The following TGM6 variants were observed in gnomAD, a reference collection of about 807,000 sequenced individuals.
The protein encoded by TGM6 is protein-glutamine gamma-glutamyltransferase 6.
Under a neutral mutation model 77.5 loss-of-function variants are expected in TGM6, and 74 were observed. The observed-to-expected ratio is 0.96, with a 90% CI of 0.79 to 1.16. The LOEUF (loss-of-function observed/expected upper bound fraction) is 1.16. Among genes scored for constraint, TGM6 ranks in the 50% most tolerant of loss-of-function variants. The pLI, the probability that TGM6 is intolerant of heterozygous loss-of-function variation, is 0.00. For missense variants in TGM6, 968 were observed against 940.2 expected (o/e 1.03, Z -0.39); for synonymous variants, 383 against 378.9 (o/e 1.01, Z -0.12).
Position 2,417,422 on chromosome 20 carries a change from C to T in TGM6, c.1527C>T (p.His509=), listed in dbSNP as rs748042241. The T allele has an allele frequency of 6.8e-6, 11 of 1,612,938 alleles. No individual in the cohort carries two copies. Among genetic ancestry groups the T allele is most frequent in the African/African-American group, 2.7e-5 (2 of 74,938 alleles). The change falls in exon 10 of 13, where the codon CAC becomes CAT. Residue 509 remains histidine (H), a synonymous_variant. Transcript: ENST00000202625. ...FKVLEPPMLG[H]DLRLALCLAN... The stretch of plus-strand genomic sequence containing the variant: ...TGCTAGAGCCTCCCATGCTGGGCCA[C>T]GACCTGAGACTGGCCCTGTGCTTGG...
At chr20:2,399,928 AG>A (rs2084694867) in intron 6 of TGM6, among the ~76,000 whole-genome samples, 190 bp downstream of exon 6, 1 of 152,194 alleles carries the variant, frequency 6.6e-6, no homozygotes, top group South Asian at 2.1e-4. Flanking sequence ...TTTATCTTGA[AG>A]GAGTCCTAGC....
rs1399796822 is a variant in TGM6, at chr20:2,403,798, C to T, written c.1311C>T (p.Ile437=). The T allele has an allele frequency of 7.4e-6, 12 of 1,614,180 alleles. No homozygotes were observed. Among genetic ancestry groups the T allele is most frequent in the South Asian group, 1.1e-5 (1 of 91,088 alleles). Residue 437 remains isoleucine (I), a synonymous_variant, in exon 9 of 13, where the codon ATC becomes ATT. Transcript: ENST00000202625. Reference sequence around the variant, plus strand: ...TGGGCAGTGACTCCCGCGTGGACATCACTGACCTCTACAAGTATCCGGAAG... The same window carrying T: ...TGGGCAGTGACTCCCGCGTGGACATTACTGACCTCTACAAGTATCCGGAAG... ...KAVGSDSRVD[I]TDLYKYPEGS...
chr20:2,417,726 G>T (rs948412427), intron 10 of TGM6, among the ~76,000 whole-genome samples, 153 bp downstream of exon 10: 1 of 152,132 alleles, frequency 6.6e-6, no homozygotes, highest in Non-Finnish European at 1.5e-5. Flanking sequence ...CTCTTGTCCC[G>T]ACTTTACAGA....
intron 10 of TGM6, among the ~76,000 whole-genome samples, chr20:2,429,632 G>T (rs2084910505): frequency 6.6e-6 from 1 of 152,166 alleles, no homozygotes; most frequent in Non-Finnish European, 1.5e-5. Flanking sequence ...AGCTGGGCAT[G>T]GTGGCATGTG....
At chr20:2,418,668 A>G (rs1209541065) in intron 10 of TGM6, among the ~76,000 whole-genome samples, 1 of 152,254 alleles carries the variant, frequency 6.6e-6, no homozygotes, top group African/African-American at 2.4e-5. Context: ...CAACACACCT[A>G]ATGGTACATT....
At chr20:2,415,669 G>A (rs2122404724) in intron 9 of TGM6, among the ~76,000 whole-genome samples, 2 of 152,248 alleles carry the variant, frequency 1.3e-5, no homozygotes, top group Admixed American at 1.3e-4. Flanking sequence ...GCTCTGTTGT[G>A]AGTGATAAAG....
rs568133385 is a variant in TGM6 at position 2,417,209 on chromosome 20, T to A, written c.1337-23T>A. On this transcript the variant is annotated intron_variant, in intron 9 of 12. Transcript: ENST00000202625. ...AAAGGAGCAAGGGGGTGCCTGCCGC[T>A]GACGTTGTGTGATGCCCTGCAGGGT... The A allele has an allele frequency of 2.5e-6, 4 of 1,573,140 alleles. No individual in the cohort carries two copies. The African/African-American group carries it at 5.4e-5, about 21-fold the overall frequency.
intron 1 of TGM6, among the ~76,000 whole-genome samples, chr20:2,383,841 C>T (rs2084573164): frequency 6.6e-6 from 1 of 152,068 alleles, no homozygotes; most frequent in South Asian, 2.1e-4. Context: ...GGCGCGGTGG[C>T]TCACTCCTGT....
At chr20:2,414,934 T>TG (rs796313071) in intron 9 of TGM6, among the ~76,000 whole-genome samples, 1,984 of 28,352 alleles carry the variant, frequency 0.07, 87 homozygotes, top group African/African-American at 0.17. Flanking sequence ...TTACAGAATT[T>TG]GGGGGGGGGG....
In TGM6 at chr20:2,400,391, A is replaced by G; in HGVS notation, c.936A>G (p.Lys312=). 6.2e-7 allele frequency: 1 copy of G among 1,614,186 alleles called. No homozygotes were observed. Among genetic ancestry groups the G allele is most frequent in the Non-Finnish European group, 8.5e-7 (1 of 1,180,034 alleles). ...CAGACCAGAACCTGAGTGTGGACAAATACGTGGACTCCTTCGGGCGGACCC... is the reference window on the plus strand; with the variant it reads ...CAGACCAGAACCTGAGTGTGGACAAGTACGTGGACTCCTTCGGGCGGACCC... ...HDTDQNLSVD[K]YVDSFGRTLE... The change falls in exon 7 of 13, where the codon AAA becomes AAG. Residue 312 remains lysine (K), a synonymous_variant. Coordinates refer to ENST00000202625, the MANE Select transcript of TGM6 (RefSeq NM_198994.3).
intron 10 of TGM6, among the ~76,000 whole-genome samples, chr20:2,425,604 C>T (rs1045297328): frequency 3.3e-5 from 5 of 152,094 alleles, no homozygotes; most frequent in African/African-American, 1.2e-4. Context: ...TCAGGTAGTG[C>T]CAGTCCTCTA....
At position 2,395,328 on chromosome 20, in the gene TGM6, A is replaced by G. The variant is rs1226700621; in HGVS notation, c.316A>G (p.Ser106Gly). The change falls in exon 3 of 13, where the codon AGT becomes GGT. Residue 106 changes from serine to glycine, a missense_variant. Physicochemically the swap from Ser to Gly is moderately conservative, Grantham distance 56 (BLOSUM62 0). Coordinates refer to ENST00000202625, the MANE Select transcript of TGM6 (RefSeq NM_198994.3). ...GACCGTCAGTCTCGCCAGCCCTCCC[A>G]GTGCTGTCATTGGCCGCTACCTGCT... ...TLTVSLASPPSAVIGRYLLSI... is the reference protein window; with the variant it reads ...TLTVSLASPPGAVIGRYLLSI... 5 of 1,614,224 alleles carry G rather than the reference A, an allele frequency of 3.1e-6. No individual in the cohort carries two copies. Among genetic ancestry groups the G allele is most frequent in the South Asian group, 1.1e-5 (1 of 91,086 alleles).
rs374219808 is a variant in TGM6, at chr20:2,417,451, A to T, written c.1556A>T (p.Asn519Ile). 1.2e-6 allele frequency: 2 copies of T among 1,611,778 alleles called. No individual in the cohort carries two copies. The highest frequency in any genetic ancestry group is 2.7e-5 in the African/African-American group (2 of 75,010). The change falls in exon 10 of 13, where the codon AAC (asparagine) becomes ATC (isoleucine). Residue 519 changes from asparagine to isoleucine, a missense_variant. Physicochemically the swap from Asn to Ile is moderately radical, Grantham distance 149. Coordinates refer to ENST00000202625, the MANE Select transcript of TGM6 (RefSeq NM_198994.3). ...CTGAGACTGGCCCTGTGCTTGGCCA[A>T]CCTCACCTCCCGGGCCCAGCGGGTG... is the stretch of plus-strand genomic sequence containing the variant. ...HDLRLALCLA[N>I]LTSRAQRVRV... is the part of the protein sequence containing the mutation.
Position 2,394,499 on chromosome 20 carries a change from G to A in TGM6, c.55G>A (p.Ala19Thr). 6.2e-7 allele frequency: 1 copy of A among 1,611,352 alleles called. No individual in the cohort carries two copies. The highest frequency in any genetic ancestry group is 8.5e-7 in the Non-Finnish European group (1 of 1,179,552). The change falls in exon 2 of 13, where the codon GCC becomes ACC. Residue 19 changes from alanine (A) to threonine (T), a missense_variant. By Grantham distance (58) the Ala-to-Thr change is moderately conservative (BLOSUM62 0). Transcript: ENST00000202625. ...VDWQRSRNGA[A>T]HHTQEYPCPE... ...CTGGCAGCGGTCGAGGAATGGCGCT[G>A]CCCACCACACCCAGGAGTACCCCTG...
At chr20:2,426,082 A>C (rs2084885870) in intron 10 of TGM6, among the ~76,000 whole-genome samples, 1 of 152,204 alleles carries the variant, frequency 6.6e-6, no homozygotes, top group South Asian at 2.1e-4. Context: ...GAATCTATAG[A>C]TCAAGCTAGG....
intron 1 of TGM6, among the ~76,000 whole-genome samples, chr20:2,382,695 AC>A (rs2084564519): frequency 6.6e-6 from 1 of 152,118 alleles, no homozygotes; most frequent in Non-Finnish European, 1.5e-5. Flanking sequence ...GGTCCTGCCT[AC>A]CACACACTCT....
intron 9 of TGM6, among the ~76,000 whole-genome samples, chr20:2,409,292 G>A (rs1025881143): frequency 6.6e-6 from 1 of 152,158 alleles, no homozygotes; most frequent in Non-Finnish European, 1.5e-5. Flanking sequence ...GAAAGAAAAT[G>A]AAAATGCAAT....
At chr20:2,398,108 G>A (rs907344410) in intron 5 of TGM6, 62 bp downstream of exon 5, 3 of 1,613,212 alleles carry the variant, frequency 1.9e-6, no homozygotes, top group Non-Finnish European at 2.5e-6. Flanking sequence ...CAACCCCGGG[G>A]CCACAACCTG....
At chr20:2,415,185 A>C (rs769982129) in intron 9 of TGM6, among the ~76,000 whole-genome samples, 1 of 152,240 alleles carries the variant, frequency 6.6e-6, no homozygotes, top group Non-Finnish European at 1.5e-5. Flanking sequence ...AGCAGAACTC[A>C]CATACATTTT....
Sources: gnomAD v4.1 joint callset for allele counts (sites outside exome capture counted in the v4.1 genomes callset) on GRCh38, gnomAD v4.1.1 for gene constraint, MANE v1.5 for transcripts, NCBI Gene and HGNC (gene_info 2026-07-23, HGNC 2026-07-21) for gene names.